The following MYH13 variants were observed in gnomAD, a reference collection of about 807,000 sequenced individuals.
MYH13 encodes the protein myosin heavy chain 13.
MYH13 carries 177 observed loss-of-function variants against 232.1 expected under a neutral mutation model. The ratio of observed to expected loss-of-function variants is 0.76; its 90% CI spans 0.67 to 0.86. MYH13 has a LOEUF of 0.86. Ranked by LOEUF, MYH13 falls within the 40% of genes least tolerant of loss-of-function variation. The pLI is 0.00. For missense variants in MYH13, 2,246 were observed against 2,405.9 expected (o/e 0.93, Z 1.39); for synonymous variants, 884 against 923.5 (o/e 0.96, Z 0.78).
chr17:10,306,939 A>G lies in MYH13; in HGVS notation c.5295T>C (p.Asp1765=). 2 of 1,613,436 alleles carry G rather than the reference A, an allele frequency of 1.2e-6. No individual in the cohort carries two copies. The highest frequency in any genetic ancestry group is 1.7e-6 in the Non-Finnish European group (2 of 1,179,930). ...AEEKAKKAIT[D]AAMMAEELKK... ...TCTGAAAAGGAAGAACAGAGCTCAC[A>G]TCCGTGATGGCCTTCTTGGCCTTCT... is the stretch of plus-strand genomic sequence containing the variant. Residue 1765 remains aspartate, a splice_region_variant and synonymous_variant, in exon 36 of 41, where the codon GAT becomes GAC. Coordinates refer to ENST00000252172, the MANE Select transcript of MYH13 (RefSeq NM_003802.3). The surrounding 1 kb of genome is among the most constrained non-coding windows in gnomAD (Gnocchi z 4.3).
chr17:10,311,863 C>G, intron 32 of MYH13, 48 bp downstream of exon 32: 1 of 1,606,082 alleles, frequency 6.2e-7, no homozygotes. Context: ...AAGGGGTTGG[C>G]AGGAGGAGAG....
rs778748951 is a variant in MYH13, at chr17:10,357,799, G to C, written c.674C>G (p.Ala225Gly). The change falls in exon 8 of 41, where the codon GCC becomes GGC. Residue 225 changes from alanine to glycine, a missense_variant. Ala to Gly is a moderately conservative substitution (Grantham distance 60). Coordinates refer to ENST00000252172, the MANE Select transcript of MYH13 (RefSeq NM_003802.3). ...QGTLEDQIIQ[A>G]NPLLEAFGNA... ...TCCAAAGGCCTCCAGCAGTGGGTTG[G>C]CCTGGATGATCTGATCCTCTAGGGT... 1.9e-6 allele frequency: 3 copies of C among 1,613,722 alleles called. No individual in the cohort carries two copies. The highest frequency in any genetic ancestry group is 2.7e-5 in the African/African-American group (2 of 74,888).
intron 1 of MYH13, among the ~76,000 whole-genome samples, chr17:10,372,539 T>C (rs2071884756): frequency 6.6e-6 from 1 of 152,176 alleles, no homozygotes; most frequent in Non-Finnish European, 1.5e-5. Flanking sequence ...ATGCTTGGGA[T>C]TATTTCCTCC....
chr17:10,343,796 T>C lies in MYH13; in HGVS notation c.1894+4A>G, dbSNP rs1436769237. ...ACAGAGGGAAAGAAATGATAGAATT[T>C]TACCTGTCTCTGCACCAGCATAGTT... On this transcript the variant is annotated splice_donor_region_variant and intron_variant, in intron 16 of 40. Transcript: ENST00000252172. 2 of 1,583,376 alleles carry C rather than the reference T, an allele frequency of 1.3e-6. No homozygotes were observed. Among genetic ancestry groups the C allele is most frequent in the Admixed American group, 1.8e-5 (1 of 56,032 alleles).
chr17:10,353,240 A>G (rs1184563096), intron 11 of MYH13, among the ~76,000 whole-genome samples: 1 of 152,210 alleles, frequency 6.6e-6, no homozygotes, highest in East Asian at 1.9e-4. Flanking sequence ...CCAACTCATG[A>G]ATCATTCTTT....
At position 10,313,250 on chromosome 17, in the gene MYH13, C is replaced by A; in HGVS notation, c.4089G>T (p.Arg1363Ser). 1 of 1,614,226 alleles carries A rather than the reference C, an allele frequency of 6.2e-7. No homozygotes were observed. Among genetic ancestry groups the A allele is most frequent in the Non-Finnish European group, 8.5e-7 (1 of 1,180,042 alleles). ...EEQEAKAELQ[R>S]ALSKANSEVA... The stretch of plus-strand genomic sequence containing the variant: ...CCTCACTGTTGGCCTTGGACAGCGC[C>A]CTCTGCAGCTCGGCCTTGGCTTCCT... The change falls in exon 30 of 41, where the codon AGG becomes AGT. Residue 1363 changes from arginine (R) to serine (S), a missense_variant. Coordinates refer to ENST00000252172, the MANE Select transcript of MYH13 (RefSeq NM_003802.3).
intron 7 of MYH13, among the ~76,000 whole-genome samples, chr17:10,358,368 T>C (rs1165142709): frequency 6.6e-6 from 1 of 152,174 alleles, no homozygotes; most frequent in African/African-American, 2.4e-5. Flanking sequence ...CCATGACTGC[T>C]TTATCCTTCT....
At chr17:10,333,289 TG>T (rs1907475790) in intron 18 of MYH13, 98 bp from the exon 19 acceptor site, 1 of 848,358 alleles carries the variant, frequency 1.2e-6, no homozygotes, top group Non-Finnish European at 1.9e-6. Flanking sequence ...CACACTTGAG[TG>T]GGAGAGTCAG....
chr17:10,335,625 G>A (rs747833337), intron 18 of MYH13, among the ~76,000 whole-genome samples: 4 of 152,014 alleles, frequency 2.6e-5, no homozygotes, highest in African/African-American at 7.3e-5. Context: ...GTGGTGGTGC[G>A]TCCCTGTAAA....
At position 10,364,488 on chromosome 17, in the gene MYH13, G is replaced by A. The variant is rs2071818339; in HGVS notation, c.43C>T (p.Pro15Ser). 6.2e-7 allele frequency: 1 copy of A among 1,609,328 alleles called. No homozygotes were observed. The highest frequency in any genetic ancestry group is 2.2e-5 in the East Asian group (1 of 44,782). The change falls in exon 3 of 41, where the codon CCC becomes TCC. Residue 15 changes from proline to serine, a missense_variant. Pro to Ser is a moderately conservative substitution (Grantham distance 74). Coordinates refer to ENST00000252172, the MANE Select transcript of MYH13 (RefSeq NM_003802.3). ...TCCTTCTCTGGTTTCCGGAGGTAGGGAGCTGCTTCTCCAAAAATGGCCATT... is the reference window on the plus strand; with the variant it reads ...TCCTTCTCTGGTTTCCGGAGGTAGGAAGCTGCTTCTCCAAAAATGGCCATT... ...AEMAIFGEAA[P>S]YLRKPEKERI...
intron 22 of MYH13, among the ~76,000 whole-genome samples, chr17:10,325,896 C>T (rs939422279): frequency 6.6e-6 from 1 of 152,182 alleles, no homozygotes; most frequent in African/African-American, 2.4e-5. Flanking sequence ...AGGATGGTTT[C>T]GATCTCTTGA....
chr17:10,339,224 C>T (rs1047890594), intron 18 of MYH13, among the ~76,000 whole-genome samples: 3 of 152,130 alleles, frequency 2.0e-5, no homozygotes, highest in African/African-American at 4.8e-5. Context: ...GCCACAGCTC[C>T]GTGTGACAGT....
At chr17:10,353,764 T>A (rs1031641402) in intron 11 of MYH13, among the ~76,000 whole-genome samples, 2 of 152,030 alleles carry the variant, frequency 1.3e-5, no homozygotes, top group African/African-American at 4.8e-5. Context: ...TTCCAGCTAC[T>A]TGGGAGGCTG....
chr17:10,309,115 G>A, intron 35 of MYH13, 119 bp downstream of exon 35: 1 of 1,018,658 alleles, frequency 9.8e-7, no homozygotes, highest in East Asian at 2.7e-5. Context: ...GGGAGAAACC[G>A]GGTGCTCCTT....
At chr17:10,351,873 C>A (rs977141249) in intron 11 of MYH13, among the ~76,000 whole-genome samples, 2 of 152,122 alleles carry the variant, frequency 1.3e-5, no homozygotes, top group African/African-American at 4.8e-5. Context: ...CATGTTTGGA[C>A]GTGTTTGGTG....
At position 10,340,316 on chromosome 17, in the gene MYH13, C is replaced by T. The variant is rs757372461; in HGVS notation, c.1968+12G>A. ...AAAAACAAGTGAATATGGAAGCTGC[C>T]AAAACACCAACCCTGAACACGGCCG... On this transcript the variant is annotated intron_variant, in intron 17 of 40. Transcript: ENST00000252172. 1.2e-6 allele frequency: 2 copies of T among 1,613,776 alleles called. No homozygotes were observed. The highest frequency in any genetic ancestry group is 1.7e-6 in the Non-Finnish European group (2 of 1,179,802).
At chr17:10,333,033 C>A (rs749756846) in intron 19 of MYH13, 41 bp downstream of exon 19, 1 of 1,440,560 alleles carries the variant, frequency 6.9e-7, no homozygotes, top group South Asian at 1.2e-5. Flanking sequence ...GCAAAAGGTG[C>A]CCTCGGAAGG....
chr17:10,357,531 C>T (rs776890942), intron 8 of MYH13, among the ~76,000 whole-genome samples: 4 of 152,222 alleles, frequency 2.6e-5, no homozygotes, highest in South Asian at 4.2e-4. Context: ...TAGGGTAGGA[C>T]GGCAAATCCT....
intron 33 of MYH13, 32 bp from the exon 34 acceptor site, chr17:10,309,862 C>T (rs369886316): frequency 1.6e-5 from 24 of 1,509,702 alleles, no homozygotes; most frequent in African/African-American, 2.8e-5. Flanking sequence ...TTGAGAGTGC[C>T]GTGGACATCC....
Sources: allele counts gnomAD v4.1 joint callset (sites outside exome capture counted in the v4.1 genomes callset), GRCh38; gene constraint gnomAD v4.1.1; non-coding constraint Gnocchi (gnomAD v3.1); transcripts MANE v1.5; gene names NCBI Gene and HGNC (gene_info 2026-07-23, HGNC 2026-07-21).